The following DUSP22 variants were observed in gnomAD, a reference collection of about 807,000 sequenced individuals.
DUSP22 encodes dual specificity phosphatase 22.
A neutral mutation model predicts 24.5 loss-of-function variants in DUSP22; 24 were observed. That is an observed-to-expected ratio of 0.98 (90% CI 0.71 to 1.38). DUSP22 has a LOEUF of 1.38. Among genes scored for constraint, DUSP22 ranks in the 40% most tolerant of loss-of-function variants. DUSP22 has a pLI of 0.00. For missense variants in DUSP22, 330 were observed against 269.2 expected (o/e 1.23, Z -1.58); for synonymous variants, 160 against 106.4 (o/e 1.50, Z -3.10).
At chr6:348,409 C>T (rs1408989208) in intron 6 of DUSP22, 135 bp downstream of exon 6, 5 of 1,392,488 alleles carry the variant, frequency 3.6e-6, no homozygotes, top group Admixed American at 4.6e-5. Context: ...CCAGGGCGCC[C>T]AGCTGCACCC....
At chr6:315,955 A>G (rs1011525202) in intron 3 of DUSP22, among the ~76,000 whole-genome samples, 1 of 152,296 alleles carries the variant, frequency 6.6e-6, no homozygotes, top group African/African-American at 2.4e-5. Flanking sequence ...GGCAAATCCC[A>G]TAGGAACAGA....
rs1184997156 is a variant in DUSP22 at position 350,003 on chromosome 6, T to G, written c.*1052T>G. On this transcript the variant is annotated 3_prime_UTR_variant, in exon 7 of 7. Transcript: ENST00000419235. ...AGAATTGGGAAGAAAGAGCATTTAT[T>G]AGGCACTGTAGCAATTTGCATTTTA... is the stretch of plus-strand genomic sequence containing the variant. The G allele has an allele frequency of 2.8e-5, 28 of 985,642 alleles. No homozygotes were observed. Among genetic ancestry groups the G allele is most frequent in the Non-Finnish European group, 3.4e-5 (28 of 830,098 alleles). 61.1% of individuals were successfully genotyped at this position (985,642 alleles called of 1,614,324 possible).
At chr6:334,805 G>A (rs994386734) in intron 3 of DUSP22, among the ~76,000 whole-genome samples, 5 of 152,298 alleles carry the variant, frequency 3.3e-5, no homozygotes, top group African/African-American at 9.6e-5. Flanking sequence ...CTGAGATGCT[G>A]GTTTTGAAAG....
chr6:318,640 C>T (rs1758438903), intron 3 of DUSP22, among the ~76,000 whole-genome samples: 1 of 152,298 alleles, frequency 6.6e-6, no homozygotes, highest in African/African-American at 2.4e-5. Context: ...CTTTCCTGTC[C>T]AGAACCTGCA....
chr6:349,090 C>G lies in DUSP22; in HGVS notation c.*139C>G. On this transcript the variant is annotated 3_prime_UTR_variant, in exon 7 of 7. Transcript: ENST00000419235. Reference sequence around the variant, plus strand: ...TGGGGCGAGGGCTCCTTCCCCCAAGCAACACCGCCCAGCCCTGCTCCAGGC... The same window carrying G: ...TGGGGCGAGGGCTCCTTCCCCCAAGGAACACCGCCCAGCCCTGCTCCAGGC... 1 of 1,465,820 alleles carries G rather than the reference C, an allele frequency of 6.8e-7. No individual in the cohort carries two copies. The highest frequency in any genetic ancestry group is 9.0e-7 in the Non-Finnish European group (1 of 1,111,434). The allele number at this position is 1,465,820 out of a possible 1,614,324, so 90.8% of individuals were successfully genotyped here. A position where few individuals can be genotyped will look rare whatever the true frequency, so the allele number is the denominator to read the frequency against.
In DUSP22 at chr6:307,270, C is replaced by T. The variant is rs1200467756; in HGVS notation, c.55+2609C>T. 2.0e-5 allele frequency among the ~76,000 whole-genome samples: 3 copies of T among 152,308 alleles called. No homozygotes were observed. The East Asian group carries it at 5.8e-4, about 29-fold the overall frequency. ...TCACTCCCTTCTTCTGTCCCTTCTC[C>T]TTCCTCCCCTCCCTTCTCTTCCCCT... On this transcript the variant is annotated intron_variant, in intron 2 of 6. Transcript: ENST00000419235.
chr6:304,626 A>C lies in DUSP22; in HGVS notation c.22-2A>C. The C allele has an allele frequency of 6.2e-7, 1 of 1,614,258 alleles. No homozygotes were observed. The highest frequency in any genetic ancestry group is 2.2e-5 in the East Asian group (1 of 44,890). ...TCATGTCTGTGTCTGTCTCTCTCCT[A>C]GATCCTGCCCGGCCTGTACATCGGC... On this transcript the variant is annotated splice_acceptor_variant, in intron 1 of 6. Transcript: ENST00000419235. LOFTEE classifies it high-confidence loss of function.
rs548921308 is a variant in DUSP22 at position 350,280 on chromosome 6, G to A, written c.*1329G>A. The A allele has an allele frequency of 2.5e-5, 25 of 990,656 alleles. No homozygotes were observed. Among genetic ancestry groups the A allele is most frequent in the South Asian group, 4.6e-5 (1 of 21,678 alleles). The allele number at this position is 990,656 out of a possible 1,614,324, so 61.4% of individuals were successfully genotyped here. ...GGGTAAAATTCCACATTCAGGCCAC[G>A]AGAGCATCTACAGTTTGTACTCTGG... On this transcript the variant is annotated 3_prime_UTR_variant, in exon 7 of 7. Transcript: ENST00000419235.
chr6:292,627 G>C, intron 1 of DUSP22, 67 bp downstream of exon 1: 2 of 1,555,254 alleles, frequency 1.3e-6, no homozygotes, highest in Admixed American at 2.0e-5. Context: ...CGCCGGCGTC[G>C]GCTGCCCGAC....
intron 4 of DUSP22, among the ~76,000 whole-genome samples, chr6:338,530 T>A (rs1264645432): frequency 6.6e-6 from 1 of 152,300 alleles, no homozygotes; most frequent in Non-Finnish European, 1.5e-5. Context: ...ATGAGGATGG[T>A]CAGACGACAA....
intron 1 of DUSP22, among the ~76,000 whole-genome samples, chr6:300,741 G>A (rs929693523): frequency 1.3e-5 from 2 of 152,302 alleles, no homozygotes; most frequent in Non-Finnish European, 2.9e-5. Flanking sequence ...CAAGATCTGT[G>A]CACTCTTCTG....
intron 3 of DUSP22, among the ~76,000 whole-genome samples, chr6:323,378 A>C (rs1581169102): frequency 6.6e-6 from 1 of 152,306 alleles, no homozygotes; most frequent in Non-Finnish European, 1.5e-5. Flanking sequence ...GAGCAGGGGC[A>C]TCGCCAGCTA....
In DUSP22 at chr6:350,001, A is replaced by G. The variant is rs534364318; in HGVS notation, c.*1050A>G. ...CAAGAATTGGGAAGAAAGAGCATTT[A>G]TTAGGCACTGTAGCAATTTGCATTT... On this transcript the variant is annotated 3_prime_UTR_variant, in exon 7 of 7. Coordinates refer to ENST00000419235, the MANE Select transcript of DUSP22 (RefSeq NM_001286555.3). 2.0e-6 allele frequency: 2 copies of G among 985,774 alleles called. No homozygotes were observed. Among genetic ancestry groups the G allele is most frequent in the African/African-American group, 3.5e-5 (2 of 57,400 alleles). 61.1% of individuals were successfully genotyped at this position (985,774 alleles called of 1,614,324 possible). A position where few individuals can be genotyped will look rare whatever the true frequency, so the allele number is the denominator to read the frequency against.
At chr6:322,971 G>A (rs1320943225) in intron 3 of DUSP22, among the ~76,000 whole-genome samples, 3 of 152,304 alleles carry the variant, frequency 2.0e-5, no homozygotes, top group African/African-American at 7.2e-5. Flanking sequence ...ATGCGCCCTA[G>A]TTTACCAAAG....
At chr6:316,523 T>G (rs1238101453) in intron 3 of DUSP22, among the ~76,000 whole-genome samples, 4 of 152,304 alleles carry the variant, frequency 2.6e-5, no homozygotes, top group Non-Finnish European at 4.4e-5. Flanking sequence ...GGCTCCAGGT[T>G]TGAGGGCTGG....
At chr6:341,320 C>T (rs200055350) in intron 4 of DUSP22, among the ~76,000 whole-genome samples, 695 of 152,176 alleles carry the variant, frequency 4.6e-3, no homozygotes, top group African/African-American at 0.016. Context: ...TTCATCGAAA[C>T]AGCTTGCGGT....
At chr6:320,567 C>T (rs561436838) in intron 3 of DUSP22, among the ~76,000 whole-genome samples, 202 of 152,366 alleles carry the variant, frequency 1.3e-3, no homozygotes, top group Non-Finnish European at 2.2e-3. Context: ...CCTTTGGGTG[C>T]CAAAGTGCCT....
chr6:302,173 G>A (rs1305627407), intron 1 of DUSP22, among the ~76,000 whole-genome samples: 2 of 152,304 alleles, frequency 1.3e-5, no homozygotes, highest in African/African-American at 4.8e-5. Context: ...CGAAGGGAGT[G>A]TACGTGCACA....
intron 4 of DUSP22, among the ~76,000 whole-genome samples, chr6:342,644 G>A (rs1043704609): frequency 6.6e-6 from 1 of 152,292 alleles, no homozygotes; most frequent in Non-Finnish European, 1.5e-5. Flanking sequence ...TACCGTGTTT[G>A]ACTGACACAT....
Sources: gnomAD v4.1 joint callset for allele counts (sites outside exome capture counted in the v4.1 genomes callset) on GRCh38, gnomAD v4.1.1 for gene constraint, MANE v1.5 for transcripts, NCBI Gene and HGNC (gene_info 2026-07-23, HGNC 2026-07-21) for gene names.